Variants in AP1AR observed in about 807,000 individuals in gnomAD.
The protein encoded by AP1AR is AP-1 complex-associated regulatory protein.
In AP1AR, 29 loss-of-function variants were observed where a neutral mutation model predicts 46.3. The observed-to-expected ratio is 0.63, with a 90% CI of 0.47 to 0.85. AP1AR has a LOEUF of 0.85. Ranked by LOEUF, AP1AR falls within the 40% of genes least tolerant of loss-of-function variation. The pLI, the probability that AP1AR is intolerant of heterozygous loss-of-function variation, is 0.00. For synonymous variants in AP1AR, 122 were observed against 122.9 expected, an observed-to-expected ratio of 0.99 and a Z score of 0.05; for missense variants, 357 against 356.3, an observed-to-expected ratio of 1.00 and a Z score of -0.02.
rs746019417 is a variant in AP1AR at position 112,232,123 on chromosome 4, G to T, written c.32G>T (p.Gly11Val). 7.7e-7 allele frequency: 1 copy of T among 1,300,796 alleles called. No individual in the cohort carries two copies. Among genetic ancestry groups the T allele is most frequent in the South Asian group, 2.4e-5 (1 of 40,924 alleles). 80.6% of individuals were successfully genotyped at this position (1,300,796 alleles called of 1,614,324 possible). The change falls in exon 1 of 10, where the codon GGA becomes GTA. Residue 11 changes from glycine to valine, a missense_variant. Gly to Val is a moderately radical substitution (Grantham distance 109). Around this residue, in one of 2 missense-constraint regions of AP1AR, gnomAD observed 269 missense variants for 223.6 expected, o/e 1.20. Coordinates refer to ENST00000274000, the MANE Select transcript of AP1AR (RefSeq NM_018569.6). MGNCCWTQCF[G>V]LLRKEAGRLQ... ...AACTGCTGCTGGACGCAGTGCTTCGGACTGCTTCGCAAGGAAGCGGGGCGG... is the reference window on the plus strand; with the variant it reads ...AACTGCTGCTGGACGCAGTGCTTCGTACTGCTTCGCAAGGAAGCGGGGCGG...
At position 112,253,274 on chromosome 4, in the gene AP1AR, T is replaced by C; in HGVS notation, c.132+18T>C. The C allele has an allele frequency of 6.3e-7, 1 of 1,596,968 alleles. No homozygotes were observed. Among genetic ancestry groups the C allele is most frequent in the South Asian group, 1.1e-5 (1 of 89,628 alleles). On this transcript the variant is annotated intron_variant, in intron 2 of 9. Coordinates refer to ENST00000274000, the MANE Select transcript of AP1AR (RefSeq NM_018569.6). ...CAATAGAGGTAAGTAGTCCTTAATT[T>C]GATTGAATTAAAAATGCCTTCAGAA... is the stretch of plus-strand genomic sequence containing the variant.
At chr4:112,248,779 C>T (rs1462742094) in intron 1 of AP1AR, among the ~76,000 whole-genome samples, 1 of 152,198 alleles carries the variant, frequency 6.6e-6, no homozygotes, top group Non-Finnish European at 1.5e-5. Flanking sequence ...GGCTATCTCT[C>T]AGACCTTATC....
intron 9 of AP1AR, among the ~76,000 whole-genome samples, chr4:112,267,279 A>G (rs1474874721): frequency 6.6e-6 from 1 of 151,868 alleles, no homozygotes; most frequent in South Asian, 2.1e-4. Flanking sequence ...GAATATTACA[A>G]TCTCTTTGTG....
chr4:112,234,129 G>GATT (rs1725143169), intron 1 of AP1AR, among the ~76,000 whole-genome samples: 3 of 152,198 alleles, frequency 2.0e-5, no homozygotes, highest in African/African-American at 7.2e-5. Flanking sequence ...AAAGTGCTGG[G>GATT]ATTACAGGCA....
chr4:112,263,734 A>C (rs1277790271), intron 6 of AP1AR, among the ~76,000 whole-genome samples: 1 of 152,210 alleles, frequency 6.6e-6, no homozygotes, highest in Non-Finnish European at 1.5e-5. Context: ...CAGGAGCAGC[A>C]ATGTTTTACC....
At chr4:112,258,833 G>A (rs1455679829) in intron 4 of AP1AR, among the ~76,000 whole-genome samples, 1 of 152,142 alleles carries the variant, frequency 6.6e-6, no homozygotes, top group Non-Finnish European at 1.5e-5. Flanking sequence ...ATACTTCAAA[G>A]AAAAAATTTT....
At chr4:112,241,337 A>G (rs1473223654) in intron 1 of AP1AR, among the ~76,000 whole-genome samples, 1 of 152,230 alleles carries the variant, frequency 6.6e-6, no homozygotes, top group Non-Finnish European at 1.5e-5. Flanking sequence ...AACAGATATA[A>G]AATGAGAACT....
chr4:112,244,178 T>A (rs1013162857), intron 1 of AP1AR, among the ~76,000 whole-genome samples: 1 of 152,316 alleles, frequency 6.6e-6, no homozygotes, highest in Admixed American at 6.5e-5. Context: ...ACCATTTTCA[T>A]GGGTAAAAAG....
In AP1AR at chr4:112,260,852, T is replaced by C; in HGVS notation, c.272T>C (p.Ile91Thr). Residue 91 changes from isoleucine (I) to threonine (T), a missense_variant, in exon 5 of 10, where the codon ATT becomes ACT. This residue lies in a region of AP1AR where 269 missense variants were observed against 223.6 expected (regional missense o/e 1.20). Coordinates refer to ENST00000274000, the MANE Select transcript of AP1AR (RefSeq NM_018569.6). ...AEKQKDLDKK[I>T]QKELALQEEK... is the part of the protein sequence containing the mutation. ...AAACAAAAAGATCTTGATAAGAAAA[T>C]TCAAAAAGAGGTAAATTGTCTTTTA... 2 of 1,584,460 alleles carry C rather than the reference T, an allele frequency of 1.3e-6. No homozygotes were observed. Among genetic ancestry groups the C allele is most frequent in the Non-Finnish European group, 1.7e-6 (2 of 1,161,358 alleles).
intron 1 of AP1AR, among the ~76,000 whole-genome samples, chr4:112,233,921 C>T (rs1049897007): frequency 1.3e-5 from 2 of 152,154 alleles, no homozygotes; most frequent in African/African-American, 4.8e-5. Context: ...CAGTGGCGCG[C>T]GATCTCGGCT....
chr4:112,265,170 T>A, intron 7 of AP1AR, 103 bp downstream of exon 7: 1 of 803,810 alleles, frequency 1.2e-6, no homozygotes, highest in Non-Finnish European at 1.9e-6. Context: ...TTCATGTTTA[T>A]GTGTTCCCTA....
Position 112,268,214 on chromosome 4 carries a change from G to A in AP1AR, c.714G>A (p.Lys238=). The A allele has an allele frequency of 1.2e-6, 2 of 1,612,302 alleles. No homozygotes were observed. The highest frequency in any genetic ancestry group is 2.2e-5 in the South Asian group (2 of 90,924). The stretch of plus-strand genomic sequence containing the variant: ...AAGACATTCTACGGGCAGCACTTAA[G>A]TATAGCAACAAGAAGACTGGAAGTA... ...TEEDILRAAL[K]YSNKKTGSNP... is the part of the protein sequence containing the mutation. The change falls in exon 10 of 10, where the codon AAG becomes AAA. Residue 238 remains lysine (K), a synonymous_variant. Transcript: ENST00000274000.
rs1726886955 is a variant in AP1AR at position 112,270,027 on chromosome 4, A to T, written c.*1618A>T. Reference sequence around the variant, plus strand: ...AAATGGTAATTTACAAATGGTTGTGAATAAACACATTTTTACACTTAAAGG... The same window carrying T: ...AAATGGTAATTTACAAATGGTTGTGTATAAACACATTTTTACACTTAAAGG... On this transcript the variant is annotated 3_prime_UTR_variant, in exon 10 of 10. Transcript: ENST00000274000. The T allele has an allele frequency of 6.6e-6, 1 of 152,622 alleles. No individual in the cohort carries two copies. The highest frequency in any genetic ancestry group is 2.1e-4 in the South Asian group (1 of 4,830). The allele number at this position is 152,622 out of a possible 1,614,324, so 9.5% of individuals were successfully genotyped here. A position where few individuals can be genotyped will look rare whatever the true frequency, so the allele number is the denominator to read the frequency against.
chr4:112,248,590 CA>C (rs1475854532), intron 1 of AP1AR, among the ~76,000 whole-genome samples: 1 of 152,074 alleles, frequency 6.6e-6, no homozygotes, highest in Non-Finnish European at 1.5e-5. Context: ...GTAATGGGTA[CA>C]GGGGGGCTTA....
chr4:112,241,571 T>C (rs540648013), intron 1 of AP1AR, among the ~76,000 whole-genome samples: 1 of 152,300 alleles, frequency 6.6e-6, no homozygotes, highest in East Asian at 1.9e-4. Flanking sequence ...CCACCCACCT[T>C]GGAAAGGGCA....
intron 1 of AP1AR, among the ~76,000 whole-genome samples, chr4:112,249,678 T>G (rs1219635714): frequency 6.6e-6 from 1 of 151,884 alleles, no homozygotes; most frequent in Admixed American, 6.6e-5. Context: ...ATATATATAA[T>G]TTTTTATAGA....
Position 112,268,410 on chromosome 4 carries a change from G to C in AP1AR, c.*1G>C, listed in dbSNP as rs780739798. On this transcript the variant is annotated 3_prime_UTR_variant, in exon 10 of 10. Transcript: ENST00000274000. ...TGACACAGATCAACAGACTCGATAG[G>C]GTAAAATTGTGTGACCTTGTTTATC... The C allele has an allele frequency of 3.2e-6, 5 of 1,572,648 alleles. No homozygotes were observed. The African/African-American group carries it at 6.8e-5, about 21-fold the overall frequency.
intron 4 of AP1AR, among the ~76,000 whole-genome samples, chr4:112,259,016 T>A (rs962408296): frequency 1.3e-5 from 2 of 152,122 alleles, no homozygotes; most frequent in East Asian, 3.9e-4. Flanking sequence ...GAGGATTGAC[T>A]AGGCGGACAC....
At position 112,246,265 on chromosome 4, in the gene AP1AR, G is replaced by A. The variant is rs192100704; in HGVS notation, c.84-6943G>A. ...TCACACCTGTAATTCCAGCACTTTG[G>A]ATGACCGAGGCAGGCAGATTGCTTG... is the stretch of plus-strand genomic sequence containing the variant. On this transcript the variant is annotated intron_variant, in intron 1 of 9. Coordinates refer to ENST00000274000, the MANE Select transcript of AP1AR (RefSeq NM_018569.6). 2.2e-3 allele frequency among the ~76,000 whole-genome samples: 330 copies of A among 152,286 alleles called. 1 individual carries two copies. Among genetic ancestry groups the A allele is most frequent in the Non-Finnish European group, 3.2e-3 (216 of 68,014 alleles).
Sources: gnomAD v4.1 joint callset for allele counts (sites outside exome capture counted in the v4.1 genomes callset) on GRCh38, gnomAD v4.1.1 for gene constraint, gnomAD v4.1.1 regional missense constraint, MANE v1.5 for transcripts, NCBI Gene and HGNC (gene_info 2026-07-23, HGNC 2026-07-21) for gene names.